The following SIN3B variants were observed in gnomAD, a reference collection of about 807,000 sequenced individuals.
SIN3B encodes the protein paired amphipathic helix protein Sin3b.
In SIN3B, 19 loss-of-function variants were observed where a neutral mutation model predicts 120.2. That is an observed-to-expected ratio of 0.16 (90% CI 0.11 to 0.23). The LOEUF is 0.23. Among genes scored for constraint, SIN3B ranks in the 10% least tolerant of loss-of-function variants. The probability of loss-of-function intolerance (pLI) is 1.00; values close to 1 mark genes in which losing one functional copy is unlikely to be tolerated. For synonymous variants in SIN3B, 654 were observed against 653.2 expected (o/e 1.00, Z -0.02); for missense variants, 1,073 against 1,573.0 (o/e 0.68, Z 5.38).
At chr19:16,830,460 G>A (rs1971264692) in intron 2 of SIN3B, among the ~76,000 whole-genome samples, 1 of 152,182 alleles carries the variant, frequency 6.6e-6, no homozygotes, top group Admixed American at 6.5e-5. Flanking sequence ...GAAGATTACA[G>A]ATAGATGGGA....
intron 14 of SIN3B, chr19:16,872,338 G>A (rs2144625079): frequency 6.6e-6 from 1 of 152,132 alleles, no homozygotes; most frequent in Non-Finnish European, 1.5e-5. Context: ...CAAATTTGAA[G>A]GGGGCAGATG....
intron 3 of SIN3B, among the ~76,000 whole-genome samples, chr19:16,840,099 T>C (rs528763940): frequency 2.6e-5 from 4 of 152,270 alleles, no homozygotes; most frequent in South Asian, 2.1e-4. Flanking sequence ...GCTGAGACTT[T>C]CTAGAATTGT....
chr19:16,862,314 TG>T lies in SIN3B; in HGVS notation c.1059-34del. On this transcript the variant is annotated intron_variant, in intron 8 of 18. Transcript: ENST00000248054. This position sits in a 1 kb window ranked among gnomAD's most constrained non-coding sequence, Gnocchi z 4.7. ...TCTCCAGATCCCTCTCAGAAGGCCC[TG>T]GGGATGACCAGTTACCATGTGTCTT... The T allele has an allele frequency of 6.4e-7, 1 of 1,559,682 alleles. No homozygotes were observed. Among genetic ancestry groups the T allele is most frequent in the South Asian group, 1.1e-5 (1 of 88,976 alleles).
Position 16,851,298 on chromosome 19 carries a change from C to T in SIN3B, c.727-114C>T, listed in dbSNP as rs960108510. On this transcript the variant is annotated intron_variant, in intron 5 of 18. Transcript: ENST00000248054. Reference sequence around the variant, plus strand: ...TGGACGGAGCATCTGGCCTGGTGCCCGTGGCCACCATTGCCCACCGGGCTG... The same window carrying T: ...TGGACGGAGCATCTGGCCTGGTGCCTGTGGCCACCATTGCCCACCGGGCTG... The T allele has an allele frequency of 1.9e-5, 25 of 1,297,322 alleles. No homozygotes were observed. In the African/African-American group the frequency reaches 2.4e-4, roughly 13 times the overall value. The allele number at this position is 1,297,322 out of a possible 1,614,324, so 80.4% of individuals were successfully genotyped here.
intron 3 of SIN3B, among the ~76,000 whole-genome samples, chr19:16,834,410 G>T (rs1449515548): frequency 6.6e-6 from 1 of 152,222 alleles, no homozygotes; most frequent in Non-Finnish European, 1.5e-5. Context: ...CGCCACACTG[G>T]TTGTATTTGG....
In SIN3B at chr19:16,879,021, C is replaced by T. The variant is rs2051655826; in HGVS notation, c.*294C>T. ...ATCATGTTTGCGTCCCCGTCCGTCA[C>T]ATGTGCCAAATCCCTGGCAGGCAGA... On this transcript the variant is annotated 3_prime_UTR_variant, in exon 19 of 19. Coordinates refer to ENST00000248054, the MANE Select transcript of SIN3B (RefSeq NM_001297595.2). 2.1e-6 allele frequency: 1 copy of T among 483,436 alleles called. No individual in the cohort carries two copies. Among genetic ancestry groups the T allele is most frequent in the Admixed American group, 3.8e-5 (1 of 26,396 alleles). The allele number at this position is 483,436 out of a possible 1,614,324, so 29.9% of individuals were successfully genotyped here.
rs371108055 is a variant in SIN3B, at chr19:16,876,050, G to A, written c.2593-5G>A. 3.1e-5 allele frequency: 48 copies of A among 1,546,232 alleles called. No homozygotes were observed. Among genetic ancestry groups the A allele is most frequent in the Middle Eastern group, 1.7e-4 (1 of 5,918 alleles). On this transcript the variant is annotated splice_polypyrimidine_tract_variant and splice_region_variant and intron_variant, in intron 14 of 18. Coordinates refer to ENST00000248054, the MANE Select transcript of SIN3B (RefSeq NM_001297595.2). This position sits in a 1 kb window ranked among gnomAD's most constrained non-coding sequence, Gnocchi z 7.1. ...TGGCCGCACCACCTGCTTTCCTCCC[G>A]CCAGCTGCACCACCTCGTGAGCGAT...
rs1003754003 is a variant in SIN3B at position 16,876,269 on chromosome 19, G to C, written c.2766+41G>C. On this transcript the variant is annotated intron_variant, in intron 15 of 18. Transcript: ENST00000248054. The surrounding 1 kb of genome is among the most constrained non-coding windows in gnomAD (Gnocchi z 7.1). ...GGGCTGGGAACACGCCGGGAGGCCC[G>C]GCCGCTCACTCCGCTCTGGACTCAG... is the stretch of plus-strand genomic sequence containing the variant. The C allele has an allele frequency of 1.3e-6, 2 of 1,582,726 alleles. No individual in the cohort carries two copies. Among genetic ancestry groups the C allele is most frequent in the African/African-American group, 2.7e-5 (2 of 74,588 alleles).
chr19:16,878,958 C>G lies in SIN3B; in HGVS notation c.*231C>G, dbSNP rs2051653817. ...CCCGAGCCCTGGGGCTCAGCCCCACCACAGGGGCGGGTGGACGTGCTGGCC... is the reference window on the plus strand; with the variant it reads ...CCCGAGCCCTGGGGCTCAGCCCCACGACAGGGGCGGGTGGACGTGCTGGCC... On this transcript the variant is annotated 3_prime_UTR_variant, in exon 19 of 19. Transcript: ENST00000248054. 7 of 554,844 alleles carry G rather than the reference C, an allele frequency of 1.3e-5. No homozygotes were observed. In the South Asian group the frequency reaches 1.4e-4, roughly 11 times the overall value. 34.4% of individuals were successfully genotyped at this position (554,844 alleles called of 1,614,324 possible).
Position 16,876,121 on chromosome 19 carries a change from C to T in SIN3B, c.2659C>T (p.Arg887Trp), listed in dbSNP as rs753206215. ...VVELYLNEKK[R>W]GAAGGNLSSR... The stretch of plus-strand genomic sequence containing the variant: ...GGAGCTCTACCTGAACGAGAAGAAG[C>T]GGGGTGCCGCTGGTGGGAACCTGTC... The change falls in exon 15 of 19, where the codon CGG becomes TGG. Residue 887 changes from arginine (R) to tryptophan (W), a missense_variant. By Grantham distance (101) the Arg-to-Trp change is moderately radical. This residue lies in a region of SIN3B where 311 missense variants were observed against 400.3 expected (regional missense o/e 0.78). Transcript: ENST00000248054. The surrounding 1 kb of genome is among the most constrained non-coding windows in gnomAD (Gnocchi z 7.1). 16 of 1,604,758 alleles carry T rather than the reference C, an allele frequency of 1.0e-5. No individual in the cohort carries two copies. Among genetic ancestry groups the T allele is most frequent in the South Asian group, 2.2e-5 (2 of 89,304 alleles).
Position 16,871,407 on chromosome 19 carries a change from G to C in SIN3B, c.2592+9G>C, listed in dbSNP as rs1471408234. ...AGAACATTGCGCGGCAGGTGAGCCG[G>C]GCCGGGGTGGGGCCGGCCCTGAGGA... On this transcript the variant is annotated intron_variant, in intron 14 of 18. Transcript: ENST00000248054. 1.9e-6 allele frequency: 3 copies of C among 1,593,072 alleles called. No homozygotes were observed. Among genetic ancestry groups the C allele is most frequent in the Non-Finnish European group, 2.6e-6 (3 of 1,168,466 alleles).
intron 12 of SIN3B, among the ~76,000 whole-genome samples, chr19:16,869,244 G>A (rs1260039844): frequency 1.3e-5 from 2 of 152,150 alleles, no homozygotes; most frequent in East Asian, 1.9e-4. Context: ...CCTCACTTTC[G>A]GAGAGGGGAC....
At chr19:16,865,173 A>G in intron 10 of SIN3B, 2 of 514,478 alleles carry the variant, frequency 3.9e-6, no homozygotes, top group Non-Finnish European at 3.5e-6. Context: ...GCACACCTAT[A>G]TTCCTAGCTA....
intron 8 of SIN3B, among the ~76,000 whole-genome samples, chr19:16,861,436 G>C (rs371755388): frequency 6.6e-6 from 1 of 152,110 alleles, no homozygotes; most frequent in African/African-American, 2.4e-5. Context: ...AGACCAGCTT[G>C]GGCAACATAG....
At position 16,878,398 on chromosome 19, in the gene SIN3B, G is replaced by GGGA. The variant is rs763939553; in HGVS notation, c.3162+11_3162+13dup. On this transcript the variant is annotated intron_variant, in intron 18 of 18. Transcript: ENST00000248054. ...CTCTGCCGGGCCAAGCAGGTGCCAG[G>GGGA]GGAGGCCTGGGCTGCCCCGACATGC... is the stretch of plus-strand genomic sequence containing the variant. The GGGA allele has an allele frequency of 2.4e-5, 38 of 1,609,184 alleles. No individual in the cohort carries two copies. The highest frequency in any genetic ancestry group is 3.1e-5 in the Non-Finnish European group (36 of 1,178,518).
chr19:16,843,699 A>G (rs1971446154), intron 4 of SIN3B, among the ~76,000 whole-genome samples: 2 of 152,230 alleles, frequency 1.3e-5, no homozygotes, highest in African/African-American at 2.4e-5. Context: ...GGGTTGCCAC[A>G]GACTCCTTCA....
In SIN3B at chr19:16,831,354, C is replaced by T. The variant is rs1391547466; in HGVS notation, c.228-140C>T. 2.0e-5 allele frequency: 17 copies of T among 834,322 alleles called. No individual in the cohort carries two copies. In the East Asian group the frequency reaches 2.1e-4, roughly 10 times the overall value. 51.7% of individuals were successfully genotyped at this position (834,322 alleles called of 1,614,324 possible). On this transcript the variant is annotated intron_variant, in intron 2 of 18. Coordinates refer to ENST00000248054, the MANE Select transcript of SIN3B (RefSeq NM_001297595.2). ...CTGGGATTACAGGCATGAGCCACTG[C>T]GCCTGGTGGGTCACATTTTAGGTTC...
At chr19:16,842,089 G>T in intron 4 of SIN3B, 121 bp downstream of exon 4, 1 of 933,814 alleles carries the variant, frequency 1.1e-6, no homozygotes, top group Non-Finnish European at 1.6e-6. Flanking sequence ...TTAGTTGTGG[G>T]GTTTTTTGTT....
chr19:16,872,832 C>T (rs2051529934), intron 14 of SIN3B, among the ~76,000 whole-genome samples: 1 of 152,174 alleles, frequency 6.6e-6, no homozygotes, highest in African/African-American at 2.4e-5. Context: ...ATCCTGGGAG[C>T]GTCATTCTGT....
Sources: gnomAD v4.1 joint callset for allele counts (sites outside exome capture counted in the v4.1 genomes callset) on GRCh38, gnomAD v4.1.1 for gene constraint, gnomAD v4.1.1 regional missense constraint, Gnocchi (gnomAD v3.1) non-coding constraint, MANE v1.5 for transcripts, NCBI Gene and HGNC (gene_info 2026-07-23, HGNC 2026-07-21) for gene names.